Variants in ARID4A observed in about 807,000 individuals in gnomAD.
ARID4A encodes AT-rich interaction domain 4A.
A neutral mutation model predicts 148.6 loss-of-function variants in ARID4A; 39 were observed. The observed-to-expected ratio is 0.26, with a 90% CI of 0.20 to 0.34. The LOEUF is 0.34. Ranked by LOEUF, ARID4A falls within the 10% of genes least tolerant of loss-of-function variation. The probability of loss-of-function intolerance (pLI) is 1.00; values close to 1 mark genes in which losing one functional copy is unlikely to be tolerated. For synonymous variants in ARID4A, 475 were observed against 481.2 expected (o/e 0.99, Z 0.17); for missense variants, 1,265 against 1,449.1 (o/e 0.87, Z 2.06).
intron 11 of ARID4A, among the ~76,000 whole-genome samples, chr14:58,332,855 A>G (rs2033609422): frequency 6.6e-6 from 1 of 152,184 alleles, no homozygotes. Flanking sequence ...CACTATAACA[A>G]TACTCTAGTC....
intron 5 of ARID4A, among the ~76,000 whole-genome samples, chr14:58,317,652 A>T (rs1460662213): frequency 1.2e-4 from 8 of 68,988 alleles, no homozygotes; most frequent in Admixed American, 5.8e-4. Flanking sequence ...TTTTTTTGAG[A>T]CAGAATCTTG....
At chr14:58,320,623 C>T (rs1396675038) in intron 7 of ARID4A, among the ~76,000 whole-genome samples, 1 of 145,204 alleles carries the variant, frequency 6.9e-6, no homozygotes, top group African/African-American at 2.6e-5. Context: ...TTTTTTTTCC[C>T]CTGAGACGGA....
chr14:58,363,958 C>G (rs948432752), intron 19 of ARID4A, among the ~76,000 whole-genome samples: 1 of 152,018 alleles, frequency 6.6e-6, no homozygotes, highest in African/African-American at 2.4e-5. Context: ...TAATATGCAA[C>G]GTAATATATT....
Position 58,330,078 on chromosome 14 carries a change from T to C in ARID4A, c.815T>C (p.Leu272Pro), listed in dbSNP as rs747581620. 1 of 1,613,426 alleles carries C rather than the reference T, an allele frequency of 6.2e-7. No individual in the cohort carries two copies. Among genetic ancestry groups the C allele is most frequent in the Non-Finnish European group, 8.5e-7 (1 of 1,179,804 alleles). ...DNWKMDISEILESSSSDDEDG... is the reference protein window; with the variant it reads ...DNWKMDISEIPESSSSDDEDG... ...TGGAAAATGGATATAAGTGAAATCC[T>C]TGAGTCATCCAGTAGTGATGATGAA... is the stretch of plus-strand genomic sequence containing the variant. Residue 272 changes from leucine (L) to proline (P), a missense_variant, in exon 11 of 24, where the codon CTT (leucine) becomes CCT (proline). Physicochemically the swap from Leu to Pro is moderately conservative, Grantham distance 98 (BLOSUM62 -3). This residue lies in a region of ARID4A where 249 missense variants were observed against 277.2 expected (regional missense o/e 0.90). Transcript: ENST00000355431.
intron 8 of ARID4A, among the ~76,000 whole-genome samples, chr14:58,325,133 A>G (rs1186088237): frequency 6.6e-6 from 1 of 152,160 alleles, no homozygotes; most frequent in Non-Finnish European, 1.5e-5. Context: ...TTCAGAGAGG[A>G]ATAAAAAATG....
intron 11 of ARID4A, among the ~76,000 whole-genome samples, chr14:58,337,083 G>A (rs1199092748): frequency 6.7e-6 from 1 of 150,314 alleles, no homozygotes; most frequent in East Asian, 2.0e-4. Context: ...GTAGGGACGA[G>A]GTTTCACCAT....
intron 11 of ARID4A, among the ~76,000 whole-genome samples, chr14:58,334,884 C>T (rs1480832468): frequency 6.6e-6 from 1 of 152,152 alleles, no homozygotes. Flanking sequence ...ACAACCCCTC[C>T]ATATTTCCTC....
chr14:58,369,442 A>G (rs1054576189), intron 23 of ARID4A, among the ~76,000 whole-genome samples: 2 of 152,184 alleles, frequency 1.3e-5, no homozygotes, highest in East Asian at 1.9e-4. Flanking sequence ...CCTGGCCAAC[A>G]TGACAAAACC....
chr14:58,338,015 C>T (rs570472758), intron 11 of ARID4A, among the ~76,000 whole-genome samples: 140 of 152,274 alleles, frequency 9.2e-4, no homozygotes, highest in African/African-American at 3.2e-3. Context: ...CCTGCTGCCA[C>T]TTAGATATTG....
intron 7 of ARID4A, among the ~76,000 whole-genome samples, chr14:58,321,207 G>C (rs960100309): frequency 2.6e-5 from 4 of 152,176 alleles, no homozygotes; most frequent in African/African-American, 9.7e-5. Flanking sequence ...TCTAGTCTCT[G>C]TCAAACTTTG....
intron 11 of ARID4A, among the ~76,000 whole-genome samples, chr14:58,339,163 G>T (rs1223643076): frequency 2.0e-5 from 3 of 150,982 alleles, no homozygotes; most frequent in Non-Finnish European, 3.0e-5. Flanking sequence ...TTTTTATAGA[G>T]ACAAAGTTTC....
chr14:58,322,980 A>AAAATATATAT (rs1255021613), intron 7 of ARID4A, among the ~76,000 whole-genome samples: 1 of 114,314 alleles, frequency 8.7e-6, no homozygotes, highest in Non-Finnish European at 1.7e-5. Flanking sequence ...AAAAAAAAAA[A>AAAATATATAT]ATATATATAT....
intron 8 of ARID4A, among the ~76,000 whole-genome samples, chr14:58,327,999 A>G (rs896724083): frequency 6.6e-6 from 1 of 152,216 alleles, no homozygotes; most frequent in Non-Finnish European, 1.5e-5. Context: ...TATTCACTTT[A>G]TAATCTAATG....
chr14:58,314,641 C>T (rs1462426959), intron 5 of ARID4A, among the ~76,000 whole-genome samples: 1 of 151,990 alleles, frequency 6.6e-6, no homozygotes, highest in Non-Finnish European at 1.5e-5. Context: ...GTTAGCCAGG[C>T]TGGTCTCCAA....
At chr14:58,331,064 T>C (rs553097086) in intron 11 of ARID4A, among the ~76,000 whole-genome samples, 2 of 152,336 alleles carry the variant, frequency 1.3e-5, no homozygotes, top group South Asian at 2.1e-4. Flanking sequence ...TACACAAATA[T>C]GAATTTATGA....
intron 19 of ARID4A, among the ~76,000 whole-genome samples, chr14:58,361,557 A>C (rs1566721390): frequency 6.6e-6 from 1 of 152,232 alleles, no homozygotes; most frequent in Non-Finnish European, 1.5e-5. Flanking sequence ...TAACAGTAAA[A>C]CATATGACTT....
intron 5 of ARID4A, among the ~76,000 whole-genome samples, chr14:58,313,464 C>T (rs2032193370): frequency 6.6e-6 from 1 of 152,160 alleles, no homozygotes. Context: ...GGAGGTGGAG[C>T]TCAGGTGGTA....
chr14:58,313,788 C>T (rs2032217118), intron 5 of ARID4A, among the ~76,000 whole-genome samples: 1 of 152,234 alleles, frequency 6.6e-6, no homozygotes, highest in African/African-American at 2.4e-5. Flanking sequence ...GCCAAAGAGC[C>T]TGGAGTTCTG....
rs112625839 is a variant in ARID4A, at chr14:58,323,303, C to T, written c.450-182C>T. Reference sequence around the variant, plus strand: ...GGACTCAGAGTTACCATAGACAACTCAGGACTACATACCTCTGTGAGGCTA... The same window carrying T: ...GGACTCAGAGTTACCATAGACAACTTAGGACTACATACCTCTGTGAGGCTA... On this transcript the variant is annotated intron_variant, in intron 7 of 23. Coordinates refer to ENST00000355431, the MANE Select transcript of ARID4A (RefSeq NM_002892.4). Among the ~76,000 whole-genome samples, 1,234 of 152,198 alleles carry T rather than the reference C, an allele frequency of 8.1e-3. 21 individuals carry two copies. The highest frequency in any genetic ancestry group is 0.028 in the African/African-American group (1,148 of 41,522).
Sources: allele counts gnomAD v4.1 joint callset (sites outside exome capture counted in the v4.1 genomes callset), GRCh38; gene constraint gnomAD v4.1.1; regional missense constraint gnomAD v4.1.1; transcripts MANE v1.5; gene names NCBI Gene and HGNC (gene_info 2026-07-23, HGNC 2026-07-21).